PKNOX2: variants seen among roughly 807,000 people sequenced by gnomAD.
PKNOX2 encodes homeobox protein PKNOX2.
Under a neutral mutation model 53.1 loss-of-function variants are expected in PKNOX2, and 14 were observed. The ratio of observed to expected loss-of-function variants is 0.26; its 90% CI spans 0.17 to 0.41. The LOEUF (loss-of-function observed/expected upper bound fraction) is 0.41, where lower values mean the gene tolerates loss of function less well. PKNOX2 is among the 10% of genes least tolerant of loss of function. The pLI is 1.00. For missense variants in PKNOX2, 496 were observed against 602.8 expected (o/e 0.82, Z 1.85); for synonymous variants, 257 against 242.8 (o/e 1.06, Z -0.54).
Position 125,165,232 on chromosome 11 carries a change from G to T in PKNOX2, c.-201+456G>T, listed in dbSNP as rs1287090401. Among the ~76,000 whole-genome samples, 1 of 151,842 alleles carries T rather than the reference G, an allele frequency of 6.6e-6. No individual in the cohort carries two copies. The highest frequency in any genetic ancestry group is 1.9e-4 in the East Asian group (1 of 5,134). ...CTCGGGTGCAAGGAGCCGGGCTGCG[G>T]ACTCGAATCGCCGCGGGCCCAACCC... On this transcript the variant is annotated intron_variant, in intron 1 of 12. Coordinates refer to ENST00000298282, the MANE Select transcript of PKNOX2 (RefSeq NM_001382323.2). The surrounding 1 kb of genome is among the most constrained non-coding windows in gnomAD (Gnocchi z 4.5).
At position 125,431,583 on chromosome 11, in the gene PKNOX2, C is replaced by A; in HGVS notation, c.*191C>A. On this transcript the variant is annotated 3_prime_UTR_variant, in exon 13 of 13. Transcript: ENST00000298282. ...CCAACCACCGAGCTTCAATGAGGAC[C>A]CCAGCCCCACTTCCCTGGAACTGCC... 1.5e-6 allele frequency: 1 copy of A among 646,224 alleles called. No individual in the cohort carries two copies. Among genetic ancestry groups the A allele is most frequent in the Non-Finnish European group, 2.6e-6 (1 of 383,692 alleles). The allele number at this position is 646,224 out of a possible 1,614,324, so 40.0% of individuals were successfully genotyped here. A position where few individuals can be genotyped will look rare whatever the true frequency, so the allele number is the denominator to read the frequency against.
intron 7 of PKNOX2, among the ~76,000 whole-genome samples, chr11:125,407,251 T>C (rs1482443584): frequency 1.3e-5 from 2 of 152,198 alleles, no homozygotes; most frequent in Non-Finnish European, 2.9e-5. Flanking sequence ...ATTGGGTAAA[T>C]TGGCATGGAG....
chr11:125,175,339 G>C (rs1053303009), intron 1 of PKNOX2, among the ~76,000 whole-genome samples: 3 of 152,250 alleles, frequency 2.0e-5, no homozygotes, highest in Non-Finnish European at 4.4e-5. Context: ...GAACTTCCCA[G>C]CATTTCTGCT....
chr11:125,411,515 C>G (rs1027804848), intron 9 of PKNOX2: 43 of 407,200 alleles, frequency 1.1e-4, no homozygotes, highest in Admixed American at 6.2e-4. Flanking sequence ...TCTCTCCCCC[C>G]CTTCCCCATC....
chr11:125,272,380 T>G (rs1217491624), intron 2 of PKNOX2, among the ~76,000 whole-genome samples: 1 of 152,240 alleles, frequency 6.6e-6, no homozygotes, highest in Non-Finnish European at 1.5e-5. Context: ...TTATCTCATT[T>G]AATGCTCACA....
intron 2 of PKNOX2, chr11:125,287,897 A>ACAGAGCC (rs1947011855): frequency 6.6e-6 from 1 of 152,156 alleles, no homozygotes; most frequent in Admixed American, 6.5e-5. Flanking sequence ...GGGGGGCCAC[A>ACAGAGCC]CAGAGCCCTG....
intron 1 of PKNOX2, among the ~76,000 whole-genome samples, chr11:125,232,353 A>T (rs1193845044): frequency 6.6e-6 from 1 of 152,256 alleles, no homozygotes. Flanking sequence ...GCTAACATTC[A>T]GCGAGTGCTT....
intron 2 of PKNOX2, among the ~76,000 whole-genome samples, chr11:125,260,284 C>T (rs978353018): frequency 6.6e-6 from 1 of 152,056 alleles, no homozygotes; most frequent in Non-Finnish European, 1.5e-5. Flanking sequence ...CTGCAATCTC[C>T]ACCTCCCAGG....
chr11:125,384,185 T>C (rs1953455790), intron 5 of PKNOX2, among the ~76,000 whole-genome samples: 1 of 152,210 alleles, frequency 6.6e-6, no homozygotes, highest in African/African-American at 2.4e-5. Context: ...CCAAATACTT[T>C]TTGAGATCCG....
intron 10 of PKNOX2, among the ~76,000 whole-genome samples, chr11:125,421,698 TGAACGATG>T (rs1956181584): frequency 6.6e-6 from 1 of 152,244 alleles, no homozygotes; most frequent in Non-Finnish European, 1.5e-5. Context: ...GGCTATGCAC[TGAACGATG>T]GTGGCCTTGC....
At chr11:125,189,431 G>A (rs1565465061) in intron 1 of PKNOX2, among the ~76,000 whole-genome samples, 12 of 83,648 alleles carry the variant, frequency 1.4e-4, no homozygotes, top group African/African-American at 5.3e-4. Context: ...GTGTGTGTGT[G>A]TGTGTGTGTG....
In PKNOX2 at chr11:125,339,301, C is replaced by T. The variant is rs568704138; in HGVS notation, c.-23+7376C>T. 1.2e-4 allele frequency among the ~76,000 whole-genome samples: 19 copies of T among 152,256 alleles called. No individual in the cohort carries two copies. The East Asian group carries it at 1.9e-3, about 15-fold the overall frequency. ...GCCTGGAATCTCTCTGGGCTGAGAG[C>T]GGAAGAGAAGACTCTGAAGTGAACA... On this transcript the variant is annotated intron_variant, in intron 3 of 12. Coordinates refer to ENST00000298282, the MANE Select transcript of PKNOX2 (RefSeq NM_001382323.2).
intron 1 of PKNOX2, among the ~76,000 whole-genome samples, chr11:125,194,671 C>T (rs1957080014): frequency 6.6e-6 from 1 of 152,198 alleles, no homozygotes; most frequent in Non-Finnish European, 1.5e-5. Flanking sequence ...GGCCTCATCC[C>T]TCCTTTTAAA....
At chr11:125,385,783 A>G in intron 6 of PKNOX2, 61 bp downstream of exon 6, 1 of 1,552,228 alleles carries the variant, frequency 6.4e-7, no homozygotes, top group Non-Finnish European at 8.7e-7. Flanking sequence ...CCCCTTCAAA[A>G]TGCCCTAGAA....
At position 125,385,566 on chromosome 11, in the gene PKNOX2, G is replaced by A. The variant is rs758344216; in HGVS notation, c.243G>A (p.Pro81=). Reference sequence around the variant, plus strand: ...GTCCCTGCAGGCACCCTCTTTTCCCGCTCCTGACGCTGCTGTTTGAGAAAT... The same window carrying A: ...GTCCCTGCAGGCACCCTCTTTTCCCACTCCTGACGCTGCTGTTTGAGAAAT... ...KRAVYRHPLF[P]LLTLLFEKCE... Residue 81 remains proline (P), a synonymous_variant, in exon 6 of 13, where the codon CCG becomes CCA. Transcript: ENST00000298282. 2.9e-5 allele frequency: 46 copies of A among 1,608,986 alleles called. No homozygotes were observed. The highest frequency in any genetic ancestry group is 4.5e-5 in the East Asian group (2 of 44,580).
chr11:125,383,881 G>T (rs981006098), intron 5 of PKNOX2, among the ~76,000 whole-genome samples: 1 of 152,074 alleles, frequency 6.6e-6, no homozygotes, highest in Non-Finnish European at 1.5e-5. Context: ...TGGGGGCCAG[G>T]TCCAAGTCCA....
chr11:125,416,373 G>A lies in PKNOX2; in HGVS notation c.936+4508G>A, dbSNP rs531744723. On this transcript the variant is annotated intron_variant, in intron 10 of 12. Transcript: ENST00000298282. ...GACGTTTGGGAACTAATCTGTCCAC[G>A]AGATCTTTCCAGATTTTTATTATGT... Among the ~76,000 whole-genome samples the A allele has an allele frequency of 4.9e-4, 72 of 148,340 alleles. 3 individuals carry two copies. In the South Asian group the frequency reaches 0.012, roughly 25 times the overall value.
In PKNOX2 at chr11:125,390,803, C is replaced by T. The variant is rs544743208; in HGVS notation, c.399+5081C>T. On this transcript the variant is annotated intron_variant, in intron 6 of 12. Transcript: ENST00000298282. ...TCTGAGGCCATCAGAAGGAGAGTGC[C>T]AGGTTATTGACTCCAAAATGATTTG... 2.0e-5 allele frequency among the ~76,000 whole-genome samples: 3 copies of T among 152,346 alleles called. No homozygotes were observed. The East Asian group carries it at 5.8e-4, about 29-fold the overall frequency.
intron 2 of PKNOX2, among the ~76,000 whole-genome samples, chr11:125,264,551 TG>T (rs529410564): frequency 4.0e-5 from 6 of 151,654 alleles, no homozygotes; most frequent in Non-Finnish European, 8.8e-5. Context: ...TGCTAAGACC[TG>T]GGAGGCGTAG....
Sources: gnomAD v4.1 joint callset for allele counts (sites outside exome capture counted in the v4.1 genomes callset) on GRCh38, gnomAD v4.1.1 for gene constraint, Gnocchi (gnomAD v3.1) non-coding constraint, MANE v1.5 for transcripts, NCBI Gene and HGNC (gene_info 2026-07-23, HGNC 2026-07-21) for gene names.